Variants in TNNI3K observed in about 807,000 individuals in gnomAD.
TNNI3K encodes the protein TNNI3 interacting kinase.
A neutral mutation model predicts 114.5 loss-of-function variants in TNNI3K; 140 were observed. The ratio of observed to expected loss-of-function variants is 1.22; its 90% CI spans 1.07 to 1.41. TNNI3K has a LOEUF of 1.41. TNNI3K is among the 40% of genes most tolerant of loss of function. The probability of loss-of-function intolerance (pLI) is 0.00; values close to 1 mark genes in which losing one functional copy is unlikely to be tolerated. For missense variants in TNNI3K, 1,125 were observed against 1,007.6 expected (o/e 1.12, Z -1.58); for synonymous variants, 347 against 347.5 (o/e 1.00, Z 0.02).
At chr1:74,524,704 G>A (rs182506042) in intron 23 of TNNI3K, among the ~76,000 whole-genome samples, 289 of 151,334 alleles carry the variant, frequency 1.9e-3, no homozygotes, top group African/African-American at 2.3e-3. Context: ...CTCTTCCCTC[G>A]TGGAGGTTTT....
At chr1:74,470,938 C>T (rs577458841) in intron 21 of TNNI3K, 29 of 400,666 alleles carry the variant, frequency 7.2e-5, no homozygotes, top group African/African-American at 5.5e-4. Flanking sequence ...GTCAGTAGCC[C>T]TCCTGGAATG....
intron 23 of TNNI3K, among the ~76,000 whole-genome samples, chr1:74,517,150 T>C (rs1296370399): frequency 6.6e-6 from 1 of 152,162 alleles, no homozygotes; most frequent in East Asian, 1.9e-4. Context: ...TCAACACCTG[T>C]GGGCACTTTC....
chr1:74,256,642 G>C (rs1349681896), intron 4 of TNNI3K, among the ~76,000 whole-genome samples: 1 of 151,894 alleles, frequency 6.6e-6, no homozygotes, highest in African/African-American at 2.4e-5. Context: ...TATGACTGTA[G>C]TGATTACCAT....
chr1:74,342,258 A>C (rs1660783004), intron 7 of TNNI3K, among the ~76,000 whole-genome samples: 1 of 152,196 alleles, frequency 6.6e-6, no homozygotes, highest in African/African-American at 2.4e-5. Context: ...AATTTTAAAT[A>C]ACCTGTCTAA....
chr1:74,321,872 C>T (rs535833001), intron 5 of TNNI3K, among the ~76,000 whole-genome samples: 1 of 151,976 alleles, frequency 6.6e-6, no homozygotes, highest in Non-Finnish European at 1.5e-5. Context: ...ATAGTCATTA[C>T]AAAAATATTC....
At chr1:74,363,410 A>G (rs1662080951) in intron 11 of TNNI3K, among the ~76,000 whole-genome samples, 1 of 152,080 alleles carries the variant, frequency 6.6e-6, no homozygotes, top group Non-Finnish European at 1.5e-5. Context: ...ATCATCAGCC[A>G]GAACCCAGGC....
intron 17 of TNNI3K, chr1:74,373,755 G>C (rs1259377861): frequency 1.3e-5 from 2 of 151,778 alleles, no homozygotes; most frequent in African/African-American, 4.8e-5. Context: ...CACGGGATGG[G>C]GCACTTTTAT....
chr1:74,254,535 C>A (rs1353879701), intron 4 of TNNI3K, among the ~76,000 whole-genome samples: 1 of 152,076 alleles, frequency 6.6e-6, no homozygotes, highest in Non-Finnish European at 1.5e-5. Flanking sequence ...ATACATATTT[C>A]TTTGAATTTT....
rs529536335 is a variant in TNNI3K, at chr1:74,519,726, T to C, written c.2352-20508T>C. 5.1e-4 allele frequency among the ~76,000 whole-genome samples: 78 copies of C among 152,354 alleles called. 1 individual carries two copies. In the Middle Eastern group the frequency reaches 0.01, roughly 20 times the overall value. On this transcript the variant is annotated intron_variant, in intron 23 of 24. Coordinates refer to ENST00000326637, the MANE Select transcript of TNNI3K (RefSeq NM_015978.3). ...ATCTTTAAAAGAAAATTACATTTTA[T>C]ACATGAAATTTTTCTAATGTGAGGA...
intron 4 of TNNI3K, among the ~76,000 whole-genome samples, chr1:74,269,856 A>T (rs935140142): frequency 4.6e-5 from 7 of 151,838 alleles, no homozygotes; most frequent in African/African-American, 1.7e-4. Context: ...ATGGGAAAGC[A>T]GCTTAGGGCT....
At chr1:74,279,326 CG>C in intron 5 of TNNI3K, among the ~76,000 whole-genome samples, 1 of 152,254 alleles carries the variant, frequency 6.6e-6, no homozygotes, top group Non-Finnish European at 1.5e-5. Context: ...GCTTCAGTTG[CG>C]GTTAGCTTTT....
At chr1:74,432,066 ATG>A (rs111964721) in intron 17 of TNNI3K, among the ~76,000 whole-genome samples, 25 of 150,752 alleles carry the variant, frequency 1.7e-4, no homozygotes, top group South Asian at 1.1e-3. Context: ...AAGTCTGTGT[ATG>A]TGTGTGTGTG....
chr1:74,385,358 G>A (rs1663419187), intron 17 of TNNI3K, among the ~76,000 whole-genome samples: 1 of 152,134 alleles, frequency 6.6e-6, no homozygotes, highest in African/African-American at 2.4e-5. Flanking sequence ...TCAAATTGTA[G>A]TCTTTAAGTA....
intron 20 of TNNI3K, among the ~76,000 whole-genome samples, chr1:74,458,556 A>G (rs1372178732): frequency 6.6e-6 from 1 of 152,178 alleles, no homozygotes; most frequent in Non-Finnish European, 1.5e-5. Context: ...TCTAGAATTA[A>G]ACTAAACATT....
intron 5 of TNNI3K, among the ~76,000 whole-genome samples, chr1:74,314,855 G>T (rs1332292623): frequency 6.6e-6 from 1 of 152,088 alleles, no homozygotes; most frequent in Non-Finnish European, 1.5e-5. Flanking sequence ...TTTACATTTT[G>T]CTAGAGCTTA....
chr1:74,427,910 G>T (rs1264268012), intron 17 of TNNI3K, among the ~76,000 whole-genome samples: 1 of 151,420 alleles, frequency 6.6e-6, no homozygotes, highest in Admixed American at 6.6e-5. Context: ...GCTTTTTATG[G>T]TGCTGAGCAA....
At chr1:74,487,672 G>T (rs1668835615) in intron 21 of TNNI3K, among the ~76,000 whole-genome samples, 1 of 151,958 alleles carries the variant, frequency 6.6e-6, no homozygotes. Context: ...ATGATGAAGT[G>T]AGCAAAAAAA....
chr1:74,473,169 C>T (rs1427356821), intron 21 of TNNI3K, among the ~76,000 whole-genome samples: 1 of 152,088 alleles, frequency 6.6e-6, no homozygotes, highest in Non-Finnish European at 1.5e-5. Flanking sequence ...TCATAATGTA[C>T]GTTCATCATC....
At chr1:74,540,470 A>G (rs1396849554) in intron 24 of TNNI3K, among the ~76,000 whole-genome samples, 157 bp downstream of exon 24, 1 of 152,144 alleles carries the variant, frequency 6.6e-6, no homozygotes, top group Non-Finnish European at 1.5e-5. Flanking sequence ...TATGTCTTTT[A>G]TAACTCATTT....
Sources: allele counts gnomAD v4.1 joint callset (sites outside exome capture counted in the v4.1 genomes callset), GRCh38; gene constraint gnomAD v4.1.1; transcripts MANE v1.5; gene names NCBI Gene and HGNC (gene_info 2026-07-23, HGNC 2026-07-21).